Variants in AGBL4 observed in about 807,000 individuals in gnomAD.
The protein encoded by AGBL4 is cytosolic carboxypeptidase 6.
AGBL4 carries 58 observed loss-of-function variants against 66.4 expected under a neutral mutation model. The observed-to-expected ratio is 0.87, with a 90% confidence interval of 0.71 to 1.09. The LOEUF is 1.09. Ranked by LOEUF, AGBL4 falls within the 50% of genes least tolerant of loss-of-function variation. The pLI, the probability that AGBL4 is intolerant of heterozygous loss-of-function variation, is 0.00. For synonymous variants in AGBL4, 234 were observed against 222.9 expected, an observed-to-expected ratio of 1.05 and a Z score of -0.44; for missense variants, 579 against 631.0, an observed-to-expected ratio of 0.92 and a Z score of 0.88.
chr1:49,018,743 C>A (rs1663014594), intron 5 of AGBL4, among the ~76,000 whole-genome samples: 1 of 152,166 alleles, frequency 6.6e-6, no homozygotes, highest in Admixed American at 6.5e-5. Flanking sequence ...TCACCTACAA[C>A]ATTCAACTAA....
intron 4 of AGBL4, among the ~76,000 whole-genome samples, chr1:49,193,390 T>C (rs1647160125): frequency 6.6e-6 from 1 of 152,092 alleles, no homozygotes; most frequent in Non-Finnish European, 1.5e-5. Context: ...TTTTAGTATA[T>C]TGTGTTTCCA....
intron 3 of AGBL4, among the ~76,000 whole-genome samples, chr1:49,516,101 G>A (rs1649797132): frequency 6.6e-6 from 1 of 151,382 alleles, no homozygotes; most frequent in Admixed American, 6.6e-5. Context: ...GCCCAATGGA[G>A]GGGGTACTTT....
chr1:49,404,149 C>T (rs1342763498), intron 3 of AGBL4, among the ~76,000 whole-genome samples: 2 of 152,108 alleles, frequency 1.3e-5, no homozygotes, highest in East Asian at 3.9e-4. Flanking sequence ...ATTAAAGCCC[C>T]AACCCCTAGT....
At chr1:49,800,078 G>A (rs762775075) in intron 2 of AGBL4, among the ~76,000 whole-genome samples, 2 of 152,112 alleles carry the variant, frequency 1.3e-5, no homozygotes, top group Non-Finnish European at 2.9e-5. Flanking sequence ...ATTTTCTACT[G>A]TCTGCTTAGG....
intron 2 of AGBL4, among the ~76,000 whole-genome samples, chr1:49,718,871 A>G (rs1648372532): frequency 6.6e-6 from 1 of 152,060 alleles, no homozygotes; most frequent in Non-Finnish European, 1.5e-5. Flanking sequence ...AAAATAATTT[A>G]TTTTTCTTTC....
intron 1 of AGBL4, among the ~76,000 whole-genome samples, chr1:49,881,128 C>T (rs1647254929): frequency 6.6e-6 from 1 of 152,150 alleles, no homozygotes; most frequent in Non-Finnish European, 1.5e-5. Context: ...TTCTGCGTCG[C>T]TCACGCTGGG....
At chr1:49,731,693 G>A (rs963725032) in intron 2 of AGBL4, among the ~76,000 whole-genome samples, 5 of 151,902 alleles carry the variant, frequency 3.3e-5, no homozygotes, top group African/African-American at 1.2e-4. Context: ...CTAAATATAT[G>A]TACCTTTTCA....
At chr1:49,489,729 T>G (rs1647148617) in intron 3 of AGBL4, among the ~76,000 whole-genome samples, 1 of 151,896 alleles carries the variant, frequency 6.6e-6, no homozygotes, top group African/African-American at 2.4e-5. Context: ...GATAAAGGTC[T>G]AATTTTATTC....
chr1:48,790,846 G>C (rs1266710820), intron 6 of AGBL4, among the ~76,000 whole-genome samples: 1 of 152,280 alleles, frequency 6.6e-6, no homozygotes, highest in East Asian at 1.9e-4. Flanking sequence ...CAGCTACTTG[G>C]AAGTCTGAGA....
intron 6 of AGBL4, among the ~76,000 whole-genome samples, chr1:48,779,844 G>A (rs1310930029): frequency 6.6e-6 from 1 of 151,604 alleles, no homozygotes; most frequent in Non-Finnish European, 1.5e-5. Flanking sequence ...CTCCCAAGTA[G>A]CTGGGATTAC....
At chr1:48,744,541 G>T (rs1312291693) in intron 6 of AGBL4, among the ~76,000 whole-genome samples, 2 of 152,092 alleles carry the variant, frequency 1.3e-5, no homozygotes, top group East Asian at 1.9e-4. Context: ...GTCCATGAAA[G>T]GCACTCACTC....
chr1:49,969,753 T>A (rs1361633219), intron 1 of AGBL4, among the ~76,000 whole-genome samples: 1 of 152,222 alleles, frequency 6.6e-6, no homozygotes, highest in African/African-American at 2.4e-5. Context: ...CTTTATCTAT[T>A]CATCCACTGA....
chr1:49,797,530 G>A (rs1426131677), intron 2 of AGBL4, among the ~76,000 whole-genome samples: 1 of 152,062 alleles, frequency 6.6e-6, no homozygotes, highest in Non-Finnish European at 1.5e-5. Flanking sequence ...TCAAACTCCT[G>A]GCTCAAGTTA....
chr1:49,813,595 G>A (rs1002460571), intron 2 of AGBL4, among the ~76,000 whole-genome samples: 1 of 152,112 alleles, frequency 6.6e-6, no homozygotes, highest in Non-Finnish European at 1.5e-5. Flanking sequence ...TAATCAGTAA[G>A]TATTTTTTAG....
At chr1:49,044,847 C>G (rs998154155) in intron 5 of AGBL4, among the ~76,000 whole-genome samples, 1 of 152,156 alleles carries the variant, frequency 6.6e-6, no homozygotes, top group Non-Finnish European at 1.5e-5. Flanking sequence ...GAAATAAATT[C>G]TCCCTTAAAG....
At chr1:49,210,895 T>C (rs147842332) in intron 4 of AGBL4, among the ~76,000 whole-genome samples, 1 of 152,232 alleles carries the variant, frequency 6.6e-6, no homozygotes, top group African/African-American at 2.4e-5. Context: ...ATATTACTTT[T>C]TCACCCTGGA....
At chr1:49,877,437 T>C (rs375258154) in intron 1 of AGBL4, among the ~76,000 whole-genome samples, 1 of 152,022 alleles carries the variant, frequency 6.6e-6, no homozygotes, top group Non-Finnish European at 1.5e-5. Context: ...TTGTCTTTGG[T>C]TCTGTTTATA....
chr1:49,200,909 G>A (rs1470144036), intron 4 of AGBL4, among the ~76,000 whole-genome samples: 1 of 152,114 alleles, frequency 6.6e-6, no homozygotes, highest in African/African-American at 2.4e-5. Flanking sequence ...GGGTTAAAAA[G>A]CCCAACCTTC....
chr1:48,899,421 G>T (rs1217000198), intron 5 of AGBL4, among the ~76,000 whole-genome samples: 1 of 149,032 alleles, frequency 6.7e-6, no homozygotes, highest in Admixed American at 6.7e-5. Context: ...TAAGTTAATA[G>T]TTTTTTTTTT....
Sources: allele counts gnomAD v4.1 joint callset (sites outside exome capture counted in the v4.1 genomes callset), GRCh38; gene constraint gnomAD v4.1.1; transcripts MANE v1.5; gene names NCBI Gene and HGNC (gene_info 2026-07-23, HGNC 2026-07-21).